Variants in TTC28 observed in about 807,000 individuals in gnomAD.
TTC28 encodes the protein tetratricopeptide repeat domain 28.
Under a neutral mutation model 198.0 loss-of-function variants are expected in TTC28, and 61 were observed. The observed-to-expected ratio is 0.31, with a 90% CI of 0.25 to 0.38. The LOEUF (loss-of-function observed/expected upper bound fraction) is 0.38. Ranked by LOEUF, TTC28 falls within the 10% of genes least tolerant of loss-of-function variation. TTC28 has a pLI of 1.00. For missense variants in TTC28, 2,678 were observed against 3,164.0 expected, an observed-to-expected ratio of 0.85 and a Z score of 3.69; for synonymous variants, 1,171 against 1,297.8, an observed-to-expected ratio of 0.90 and a Z score of 2.10.
rs1057133490 is a variant in TTC28, at chr22:28,159,490, C to G, written c.1441+3602G>C. 3.9e-5 allele frequency among the ~76,000 whole-genome samples: 6 copies of G among 152,176 alleles called. No individual in the cohort carries two copies. In the South Asian group the frequency reaches 1.2e-3, roughly 32 times the overall value. ...GCAATATGCTGAAACCCCATCTCTA[C>G]TAAAAAACTACAAAAATTAGCTGGG... On this transcript the variant is annotated intron_variant, in intron 6 of 22. Coordinates refer to ENST00000397906, the MANE Select transcript of TTC28 (RefSeq NM_001145418.2).
chr22:28,122,660 C>T (rs1026795050), intron 6 of TTC28, among the ~76,000 whole-genome samples: 10 of 151,966 alleles, frequency 6.6e-5, no homozygotes, highest in African/African-American at 9.7e-5. Flanking sequence ...ATAATAAGAC[C>T]AGGTTCTTAA....
chr22:28,460,078 A>G (rs558422723), intron 2 of TTC28: 1 of 152,346 alleles, frequency 6.6e-6, no homozygotes, highest in South Asian at 2.1e-4. Context: ...AAATAATAGA[A>G]GTGAAACTCA....
intron 2 of TTC28, among the ~76,000 whole-genome samples, chr22:28,323,149 C>A (rs918229790): frequency 5.3e-5 from 8 of 152,174 alleles, no homozygotes; most frequent in African/African-American, 1.7e-4. Context: ...CAATCTCAGG[C>A]TAGTCACTTA....
At chr22:28,269,866 G>A (rs913959781) in intron 5 of TTC28, among the ~76,000 whole-genome samples, 3 of 152,158 alleles carry the variant, frequency 2.0e-5, no homozygotes, top group Non-Finnish European at 4.4e-5. Context: ...CCTCTATAGT[G>A]AGAAGAGTGA....
chr22:28,421,649 G>A (rs1005428359), intron 2 of TTC28, among the ~76,000 whole-genome samples: 2 of 152,112 alleles, frequency 1.3e-5, no homozygotes, highest in South Asian at 2.1e-4. Flanking sequence ...TGCTGCTTCG[G>A]ATCAAGAAGA....
intron 5 of TTC28, among the ~76,000 whole-genome samples, chr22:28,287,179 T>C (rs561385532): frequency 1.3e-5 from 2 of 152,278 alleles, no homozygotes; most frequent in African/African-American, 2.4e-5. Context: ...ACAAAATTAT[T>C]AACAGAGCAG....
intron 1 of TTC28, among the ~76,000 whole-genome samples, chr22:28,641,156 T>C (rs1002582481): frequency 1.1e-4 from 16 of 151,938 alleles, no homozygotes; most frequent in African/African-American, 3.9e-4. Flanking sequence ...AGACCCCATT[T>C]CTACTAAAAT....
intron 2 of TTC28, among the ~76,000 whole-genome samples, chr22:28,580,855 T>C (rs2050223744): frequency 6.6e-6 from 1 of 152,146 alleles, no homozygotes; most frequent in Non-Finnish European, 1.5e-5. Context: ...TCTCAGAAAG[T>C]TAAAATCTCA....
At chr22:28,021,250 G>T (rs1482806515) in intron 13 of TTC28, among the ~76,000 whole-genome samples, 1 of 152,168 alleles carries the variant, frequency 6.6e-6, no homozygotes, top group Non-Finnish European at 1.5e-5. Context: ...TGACCAGATG[G>T]CTGGGAGGAG....
intron 2 of TTC28, among the ~76,000 whole-genome samples, chr22:28,421,447 A>C (rs2146171525): frequency 6.6e-6 from 1 of 152,344 alleles, no homozygotes; most frequent in East Asian, 1.9e-4. Flanking sequence ...CATCAAAAGA[A>C]ACCAGAGCCC....
chr22:28,493,209 A>G (rs2048402849), intron 2 of TTC28, among the ~76,000 whole-genome samples: 1 of 152,124 alleles, frequency 6.6e-6, no homozygotes, highest in African/African-American at 2.4e-5. Flanking sequence ...TACAAAAATT[A>G]GCTGGGCATG....
At chr22:28,505,497 A>G (rs558820520) in intron 2 of TTC28, among the ~76,000 whole-genome samples, 4 of 152,250 alleles carry the variant, frequency 2.6e-5, no homozygotes, top group African/African-American at 9.6e-5. Flanking sequence ...GCACAGAGCC[A>G]AAGGAACCCC....
In TTC28 at chr22:28,430,887, GAA is replaced by G. The variant is rs695539; in HGVS notation, c.382-124246_382-124245del. ...ACTGAGATTCCTTACCATTGTAAAA[GAA>G]AAAAAAAAAAAAAACATGCCCAGAG... On this transcript the variant is annotated intron_variant, in intron 2 of 22. Transcript: ENST00000397906. Among the ~76,000 whole-genome samples, 284 of 134,540 alleles carry G rather than the reference GAA, an allele frequency of 2.1e-3. 1 individual carries two copies. The highest frequency in any genetic ancestry group is 6.0e-3 in the African/African-American group (219 of 36,646). 88.3% of individuals were successfully genotyped at this position (134,540 alleles called of 152,430 possible). A position where few individuals can be genotyped will look rare whatever the true frequency, so the allele number is the denominator to read the frequency against.
intron 1 of TTC28, among the ~76,000 whole-genome samples, chr22:28,669,608 A>C (rs2051846505): frequency 1.3e-5 from 2 of 152,222 alleles, no homozygotes; most frequent in South Asian, 2.1e-4. Context: ...TCTGTCCTAC[A>C]ATTTGGCAAA....
rs184728634 is a variant in TTC28, at chr22:28,225,929, G to T, written c.934-62330C>A. 9.1e-4 allele frequency among the ~76,000 whole-genome samples: 139 copies of T among 152,328 alleles called. 1 individual carries two copies. The highest frequency in any genetic ancestry group is 3.2e-3 in the African/African-American group (132 of 41,566). ...TTGGGCTTCTTTCACTCAACATAAT[G>T]ATTTTGAGATTCAACCATGTTGTTA... On this transcript the variant is annotated intron_variant, in intron 5 of 22. Coordinates refer to ENST00000397906, the MANE Select transcript of TTC28 (RefSeq NM_001145418.2).
intron 4 of TTC28, 29 bp downstream of exon 4, chr22:28,297,551 T>C (rs1025467427): frequency 6.5e-7 from 1 of 1,537,120 alleles, no homozygotes; most frequent in Admixed American, 2.0e-5. Flanking sequence ...GTTCCCTTTC[T>C]GCACTGAAAT....
At position 27,985,340 on chromosome 22, in the gene TTC28, T is replaced by A; in HGVS notation, c.5724A>T (p.Glu1908Asp). 1 of 1,551,164 alleles carries A rather than the reference T, an allele frequency of 6.4e-7. No homozygotes were observed. Among genetic ancestry groups the A allele is most frequent in the Non-Finnish European group, 8.7e-7 (1 of 1,146,636 alleles). ...FLAALGFDLC[E>D]VGQEEVILKT... Reference sequence around the variant, plus strand: ...TCAGGATTACTTCCTCCTGACCAACTTCACAGAGATCAAAACCTAGAGGAA... The same window carrying A: ...TCAGGATTACTTCCTCCTGACCAACATCACAGAGATCAAAACCTAGAGGAA... Residue 1908 changes from glutamate (E) to aspartate (D), a missense_variant, in exon 22 of 23, where the codon GAA becomes GAT. By Grantham distance (45) the Glu-to-Asp change is conservative. This residue lies in a region of TTC28 where 314 missense variants were observed against 442.7 expected (regional missense o/e 0.71). Coordinates refer to ENST00000397906, the MANE Select transcript of TTC28 (RefSeq NM_001145418.2).
intron 2 of TTC28, among the ~76,000 whole-genome samples, chr22:28,390,950 A>C (rs1473447203): frequency 6.6e-6 from 1 of 152,120 alleles, no homozygotes; most frequent in East Asian, 1.9e-4. Context: ...GATGGTCTAC[A>C]TTTTGGCATG....
chr22:28,453,903 C>T (rs1430567528), intron 2 of TTC28, among the ~76,000 whole-genome samples: 4 of 152,206 alleles, frequency 2.6e-5, no homozygotes, highest in Non-Finnish European at 4.4e-5. Context: ...AAGGCTTTAA[C>T]ATGGCCTACA....
Sources: gnomAD v4.1 joint callset for allele counts (sites outside exome capture counted in the v4.1 genomes callset) on GRCh38, gnomAD v4.1.1 for gene constraint, gnomAD v4.1.1 regional missense constraint, MANE v1.5 for transcripts, NCBI Gene and HGNC (gene_info 2026-07-23, HGNC 2026-07-21) for gene names.